ST13: variants seen among roughly 807,000 people sequenced by gnomAD.
ST13 encodes hsc70-interacting protein.
A neutral mutation model predicts 56.7 loss-of-function variants in ST13; 23 were observed. That is an observed-to-expected ratio of 0.41 (90% CI 0.29 to 0.57). The LOEUF is 0.57. Ranked by LOEUF, ST13 falls within the 20% of genes least tolerant of loss-of-function variation. The pLI, the probability that ST13 is intolerant of heterozygous loss-of-function variation, is 0.36. For missense variants in ST13, 369 were observed against 459.9 expected, an observed-to-expected ratio of 0.80 and a Z score of 1.81; for synonymous variants, 132 against 142.4, an observed-to-expected ratio of 0.93 and a Z score of 0.52.
At chr22:40,832,525 G>A (rs2057758740) in intron 8 of ST13, 44 bp downstream of exon 8, 1 of 1,399,296 alleles carries the variant, frequency 7.1e-7, no homozygotes, top group African/African-American at 1.4e-5. Context: ...CTACAGCGAT[G>A]GAGTATTTAA....
intron 3 of ST13, among the ~76,000 whole-genome samples, chr22:40,846,867 C>T (rs1021418697): frequency 2.6e-5 from 4 of 152,046 alleles, no homozygotes; most frequent in South Asian, 4.1e-4. Flanking sequence ...TGGTGGCATA[C>T]GCCTGTAGTC....
intron 1 of ST13, chr22:40,854,614 A>AATTT (rs1438920220): frequency 6.6e-6 from 1 of 152,220 alleles, no homozygotes; most frequent in African/African-American, 2.4e-5. Context: ...ACATGCTTTT[A>AATTT]ATTTGTTCTT....
intron 7 of ST13, among the ~76,000 whole-genome samples, chr22:40,835,195 T>G (rs1228675606): frequency 1.3e-5 from 2 of 152,204 alleles, no homozygotes; most frequent in African/African-American, 4.8e-5. Context: ...AAGAGAAAAT[T>G]TGTAAGGACA....
At position 40,848,257 on chromosome 22, in the gene ST13, T is replaced by C. The variant is rs543104275; in HGVS notation, c.244+37A>G. The C allele has an allele frequency of 3.2e-5, 47 of 1,454,222 alleles. No individual in the cohort carries two copies. In the East Asian group the frequency reaches 3.6e-4, roughly 11 times the overall value. The allele number at this position is 1,454,222 out of a possible 1,614,324, so 90.1% of individuals were successfully genotyped here. A position where few individuals can be genotyped will look rare whatever the true frequency, so the allele number is the denominator to read the frequency against. ...TAAAAATCAACAAAGTATCACATCA[T>C]AGGTTTTCAAATACAAACTAACTAC... On this transcript the variant is annotated intron_variant, in intron 3 of 11. Transcript: ENST00000216218.
At chr22:40,837,561 G>A (rs2057783833) in intron 5 of ST13, among the ~76,000 whole-genome samples, 2 of 152,150 alleles carry the variant, frequency 1.3e-5, no homozygotes, top group African/African-American at 2.4e-5. Flanking sequence ...CAGGAGAATC[G>A]CTTGAACCCG....
intron 1 of ST13, among the ~76,000 whole-genome samples, chr22:40,853,152 T>A (rs546255574): frequency 7.2e-5 from 11 of 152,268 alleles, no homozygotes; most frequent in African/African-American, 1.9e-4. Flanking sequence ...ATGCAACACA[T>A]AAATCTGAGG....
chr22:40,834,150 G>A (rs1001728937), intron 7 of ST13, among the ~76,000 whole-genome samples: 1 of 151,942 alleles, frequency 6.6e-6, no homozygotes, highest in African/African-American at 2.4e-5. Flanking sequence ...GGTGGGGCGC[G>A]ACTGTAAGTA....
chr22:40,838,911 TAA>T (rs138338), intron 5 of ST13, among the ~76,000 whole-genome samples: 2,367 of 139,690 alleles, frequency 0.017, 56 homozygotes, highest in African/African-American at 0.055. Context: ...ATAGCATAAA[TAA>T]AAAAAAAAAA....
At position 40,829,570 on chromosome 22, in the gene ST13, A is replaced by G. The variant is rs1602648878; in HGVS notation, c.847+56T>C. 3 of 815,996 alleles carry G rather than the reference A, an allele frequency of 3.7e-6. No homozygotes were observed. The East Asian group carries it at 9.6e-5, about 26-fold the overall frequency. 50.5% of individuals were successfully genotyped at this position (815,996 alleles called of 1,614,324 possible). ...CTTTATAATAAATATTAAGTATTAT[A>G]TTAAAATATCACTGTATAATAGAAC... On this transcript the variant is annotated intron_variant, in intron 10 of 11. Coordinates refer to ENST00000216218, the MANE Select transcript of ST13 (RefSeq NM_003932.5).
chr22:40,826,288 T>C lies in ST13; in HGVS notation c.*250A>G, dbSNP rs1403653379. 19 of 294,696 alleles carry C rather than the reference T, an allele frequency of 6.4e-5. No homozygotes were observed. Among genetic ancestry groups the C allele is most frequent in the Non-Finnish European group, 1.2e-4 (19 of 160,522 alleles). The allele number at this position is 294,696 out of a possible 1,614,324, so 18.3% of individuals were successfully genotyped here. The stretch of plus-strand genomic sequence containing the variant: ...GCCCTTTAAATTTGTTTTAAATATT[T>C]TGAAGATTTAAAAAGTGTTTAAAGT... On this transcript the variant is annotated 3_prime_UTR_variant, in exon 12 of 12. Coordinates refer to ENST00000216218, the MANE Select transcript of ST13 (RefSeq NM_003932.5).
rs1294883048 is a variant in ST13 at position 40,848,259 on chromosome 22, G to A, written c.244+35C>T. The stretch of plus-strand genomic sequence containing the variant: ...AAAATCAACAAAGTATCACATCATA[G>A]GTTTTCAAATACAAACTAACTACCG... On this transcript the variant is annotated intron_variant, in intron 3 of 11. Transcript: ENST00000216218. 3.4e-6 allele frequency: 5 copies of A among 1,488,056 alleles called. No homozygotes were observed. The South Asian group carries it at 5.6e-5, about 17-fold the overall frequency. 92.2% of individuals were successfully genotyped at this position (1,488,056 alleles called of 1,614,324 possible).
In ST13 at chr22:40,844,915, A is replaced by G. The variant is rs757912828; in HGVS notation, c.245-6T>C. 10 of 1,609,674 alleles carry G rather than the reference A, an allele frequency of 6.2e-6. No individual in the cohort carries two copies. The South Asian group carries it at 7.7e-5, about 12-fold the overall frequency. ...CACACCTTCTTTATCAATTTCTGCCAAAGTCGAGAAAATGACAATAAGACC... is the reference window on the plus strand; with the variant it reads ...CACACCTTCTTTATCAATTTCTGCCGAAGTCGAGAAAATGACAATAAGACC... On this transcript the variant is annotated splice_polypyrimidine_tract_variant and splice_region_variant and intron_variant, in intron 3 of 11. Coordinates refer to ENST00000216218, the MANE Select transcript of ST13 (RefSeq NM_003932.5).
At position 40,850,731 on chromosome 22, in the gene ST13, G is replaced by A. The variant is rs957858433; in HGVS notation, c.168+92C>T. The stretch of plus-strand genomic sequence containing the variant: ...TTCCAAGTGATCTTGGGGAAATCAG[G>A]AGTGATAACTGGAGAGCAGCAGTTT... On this transcript the variant is annotated intron_variant, in intron 2 of 11. Transcript: ENST00000216218. The A allele has an allele frequency of 2.6e-5, 23 of 898,694 alleles. No individual in the cohort carries two copies. In the East Asian group the frequency reaches 5.8e-4, roughly 23 times the overall value. The allele number at this position is 898,694 out of a possible 1,614,324, so 55.7% of individuals were successfully genotyped here.
At chr22:40,826,763 G>A in intron 11 of ST13, 97 bp from the exon 12 acceptor site, 1 of 1,431,108 alleles carries the variant, frequency 7.0e-7, no homozygotes, top group Non-Finnish European at 9.5e-7. Flanking sequence ...CTGTAATTTG[G>A]TGATAGTTAA....
chr22:40,850,673 T>C, intron 2 of ST13, 150 bp downstream of exon 2: 1 of 616,422 alleles, frequency 1.6e-6, no homozygotes. Flanking sequence ...GTCTACAAAG[T>C]TATAAAGATA....
At chr22:40,831,575 G>A (rs576620090) in intron 8 of ST13, among the ~76,000 whole-genome samples, 8 of 152,234 alleles carry the variant, frequency 5.3e-5, no homozygotes, top group African/African-American at 1.9e-4. Context: ...ACTTTAGCTT[G>A]TTTACACTTT....
chr22:40,852,899 G>A (rs887761875), intron 1 of ST13, among the ~76,000 whole-genome samples: 2 of 152,146 alleles, frequency 1.3e-5, no homozygotes, highest in African/African-American at 2.4e-5. Flanking sequence ...AAAATGCAGC[G>A]TCAGGAATGT....
intron 1 of ST13, among the ~76,000 whole-genome samples, chr22:40,853,454 C>T (rs747727437): frequency 3.3e-5 from 5 of 152,124 alleles, no homozygotes; most frequent in Admixed American, 2.0e-4. Flanking sequence ...CTCATAGGTA[C>T]GAAATTTCAA....
intron 5 of ST13, among the ~76,000 whole-genome samples, chr22:40,840,161 C>G (rs1354913767): frequency 6.6e-6 from 1 of 151,928 alleles, no homozygotes; most frequent in Non-Finnish European, 1.5e-5. Context: ...AAAAAACCAA[C>G]CAAACAAACA....
Sources: allele counts gnomAD v4.1 joint callset (sites outside exome capture counted in the v4.1 genomes callset), GRCh38; gene constraint gnomAD v4.1.1; transcripts MANE v1.5; gene names NCBI Gene and HGNC (gene_info 2026-07-23, HGNC 2026-07-21).